Variants in ABLIM2 observed in about 807,000 individuals in gnomAD.
ABLIM2 encodes actin binding LIM protein family member 2, also known as actin-binding LIM protein 2.
Under a neutral mutation model 97.7 loss-of-function variants are expected in ABLIM2, and 53 were observed. That is an observed-to-expected ratio of 0.54 (90% CI 0.44 to 0.68). The LOEUF (loss-of-function observed/expected upper bound fraction) is 0.68. Among genes scored for constraint, ABLIM2 ranks in the 30% least tolerant of loss-of-function variants. The pLI, the probability that ABLIM2 is intolerant of heterozygous loss-of-function variation, is 0.00. For synonymous variants in ABLIM2, 361 were observed against 345.8 expected (o/e 1.04, Z -0.49); for missense variants, 835 against 867.2 (o/e 0.96, Z 0.47).
intron 20 of ABLIM2, among the ~76,000 whole-genome samples, chr4:7,968,520 C>A (rs529870194): frequency 6.6e-6 from 1 of 152,354 alleles, no homozygotes; most frequent in South Asian, 2.1e-4. Context: ...GAAGTTCCGA[C>A]ACATGCCACA....
At chr4:8,041,901 T>A (rs1286272495) in intron 9 of ABLIM2, among the ~76,000 whole-genome samples, 7 of 127,878 alleles carry the variant, frequency 5.5e-5, no homozygotes, top group African/African-American at 2.5e-4. Flanking sequence ...GAGACTCCAC[T>A]TCAAAAAAAG....
chr4:7,969,964 T>G (rs1192338005), intron 20 of ABLIM2, among the ~76,000 whole-genome samples: 1 of 152,178 alleles, frequency 6.6e-6, no homozygotes, highest in African/African-American at 2.4e-5. Context: ...CCGCGTCTCT[T>G]AAGACATTTG....
chr4:8,001,578 G>A lies in ABLIM2; in HGVS notation c.1618+6481C>T, dbSNP rs1026662217. On this transcript the variant is annotated intron_variant, in intron 16 of 20. Transcript: ENST00000447017. This position sits in a 1 kb window ranked among gnomAD's most constrained non-coding sequence, Gnocchi z 4.2. Reference sequence around the variant, plus strand: ...GGAGCTCCCTCTGCTCTCTCTGGGGGCTCAGAGAGCACCCTGCCTGCCCAG... The same window carrying A: ...GGAGCTCCCTCTGCTCTCTCTGGGGACTCAGAGAGCACCCTGCCTGCCCAG... 2.0e-5 allele frequency among the ~76,000 whole-genome samples: 3 copies of A among 152,158 alleles called. No homozygotes were observed. The highest frequency in any genetic ancestry group is 4.8e-5 in the African/African-American group (2 of 41,508).
intron 1 of ABLIM2, among the ~76,000 whole-genome samples, chr4:8,154,526 C>T (rs191709973): frequency 0.01 from 1,556 of 152,046 alleles, 8 homozygotes; most frequent in Middle Eastern, 0.014. Context: ...GTGATCCACC[C>T]GCCTCGGCCT....
chr4:8,036,234 G>C lies in ABLIM2; in HGVS notation c.962C>G (p.Ala321Gly). ...GTCGGGGCGGTCGATGTCATAGATG[G>C]CCTTACTTTTAGGAAGGGCTGCCAA... Reference protein sequence around the residue: ...RDLAALPKSKAIYDIDRPDMI... With the variant: ...RDLAALPKSKGIYDIDRPDMI... Residue 321 changes from alanine to glycine, a missense_variant, in exon 10 of 21, where the codon GCC becomes GGC. Transcript: ENST00000447017. 6.2e-7 allele frequency: 1 copy of C among 1,613,884 alleles called. No individual in the cohort carries two copies. Among genetic ancestry groups the C allele is most frequent in the Middle Eastern group, 1.7e-4 (1 of 6,060 alleles).
At chr4:8,115,433 G>A (rs1034090612) in intron 1 of ABLIM2, among the ~76,000 whole-genome samples, 2 of 152,120 alleles carry the variant, frequency 1.3e-5, no homozygotes, top group African/African-American at 4.8e-5. Context: ...ATGCCTGCTG[G>A]GCTCACCTGG....
intron 14 of ABLIM2, among the ~76,000 whole-genome samples, chr4:8,009,478 C>T (rs924088095): frequency 7.3e-5 from 11 of 151,692 alleles, no homozygotes; most frequent in Non-Finnish European, 1.5e-4. Context: ...CTCACTGCAA[C>T]TTCCGCCTCC....
chr4:8,113,811 C>G lies in ABLIM2; in HGVS notation c.11-7174G>C, dbSNP rs1841483723. Among the ~76,000 whole-genome samples the G allele has an allele frequency of 6.6e-6, 1 of 152,234 alleles. No homozygotes were observed. Among genetic ancestry groups the G allele is most frequent in the Non-Finnish European group, 1.5e-5 (1 of 68,042 alleles). On this transcript the variant is annotated intron_variant, in intron 1 of 20. Transcript: ENST00000447017. The surrounding 1 kb of genome is among the most constrained non-coding windows in gnomAD (Gnocchi z 4.5). The stretch of plus-strand genomic sequence containing the variant: ...ACACGCACACATGAACTCCAGAGGT[C>G]CCGGCTCACCCAGAGCGGGTCACAG...
intron 1 of ABLIM2, among the ~76,000 whole-genome samples, chr4:8,117,635 C>A (rs1411905105): frequency 2.0e-5 from 3 of 152,202 alleles, no homozygotes. Context: ...CTGGGATCCA[C>A]CCACTTTTCC....
In ABLIM2 at chr4:8,069,843, CGT is replaced by C. The variant is rs561597447; in HGVS notation, c.675+7783_675+7784del. Among the ~76,000 whole-genome samples, 1 of 151,066 alleles carries C rather than the reference CGT, an allele frequency of 6.6e-6. No homozygotes were observed. Among genetic ancestry groups the C allele is most frequent in the South Asian group, 2.1e-4 (1 of 4,742 alleles). ...TCTGTGTGTACGTGTCTGTGGGTGCCGTGTGTGTTTTCTGTGTGTCTGCGTTG... is the reference window on the plus strand; with the variant it reads ...TCTGTGTGTACGTGTCTGTGGGTGCCGTGTGTTTTCTGTGTGTCTGCGTTG... On this transcript the variant is annotated intron_variant, in intron 6 of 20. Transcript: ENST00000447017. This position sits in a 1 kb window ranked among gnomAD's most constrained non-coding sequence, Gnocchi z 4.2.
At position 8,127,427 on chromosome 4, in the gene ABLIM2, C is replaced by G. The variant is rs972146808; in HGVS notation, c.11-20790G>C. On this transcript the variant is annotated intron_variant, in intron 1 of 20. Coordinates refer to ENST00000447017, the MANE Select transcript of ABLIM2 (RefSeq NM_001130083.2). This position sits in a 1 kb window ranked among gnomAD's most constrained non-coding sequence, Gnocchi z 7.3. ...CACAACTTGACTGGACCCGTCCTTTCCCACCAGACCCCTGAAGCTGATTCA... is the reference window on the plus strand; with the variant it reads ...CACAACTTGACTGGACCCGTCCTTTGCCACCAGACCCCTGAAGCTGATTCA... 8.3e-7 allele frequency: 1 copy of G among 1,207,916 alleles called. No homozygotes were observed. The highest frequency in any genetic ancestry group is 1.1e-6 in the Non-Finnish European group (1 of 926,718). The allele number at this position is 1,207,916 out of a possible 1,614,324, so 74.8% of individuals were successfully genotyped here.
chr4:7,995,139 C>T (rs192274228), intron 16 of ABLIM2, among the ~76,000 whole-genome samples: 2 of 56,320 alleles, frequency 3.6e-5, no homozygotes, highest in African/African-American at 7.9e-5. Context: ...TCATCTCACA[C>T]CAGTTAGAAT....
Position 7,994,082 on chromosome 4 carries a change from T to TAAAAGACCTGTCCTGGGTCCCTAAAC in ABLIM2, c.1619-1156_1619-1155insGTTTAGGGACCCAGGACAGGTCTTTT, listed in dbSNP as rs1560478001. ...CCCTCCACACCCAGGGAAGCATTCT[T>TAAAAGACCTGTCCTGGGTCCCTAAAC]TTTTTTTTTTTTTTTTTTTTTTTTT... On this transcript the variant is annotated intron_variant, in intron 16 of 20. Coordinates refer to ENST00000447017, the MANE Select transcript of ABLIM2 (RefSeq NM_001130083.2). 2.6e-3 allele frequency: 165 copies of TAAAAGACCTGTCCTGGGTCCCTAAAC among 62,476 alleles called. 45 individuals carry two copies. Among genetic ancestry groups the TAAAAGACCTGTCCTGGGTCCCTAAAC allele is most frequent in the South Asian group, 8.3e-3 (42 of 5,062 alleles). 3.9% of individuals were successfully genotyped at this position (62,476 alleles called of 1,614,324 possible).
chr4:8,091,906 T>C (rs2385921), intron 3 of ABLIM2, among the ~76,000 whole-genome samples: 19,161 of 112,630 alleles, frequency 0.17, 2,601 homozygotes, highest in African/African-American at 0.41. Context: ...ATATATATAA[T>C]ATATTGTTAT....
At chr4:7,975,972 G>A (rs936548399) in intron 20 of ABLIM2, among the ~76,000 whole-genome samples, 6 of 152,134 alleles carry the variant, frequency 3.9e-5, no homozygotes. Flanking sequence ...GCTCAATCGT[G>A]TTCAGGCAAA....
At chr4:8,020,846 CTTT>C (rs34799650) in intron 12 of ABLIM2, 19,676 of 95,136 alleles carry the variant, frequency 0.21, 1,302 homozygotes, top group East Asian at 0.29. Flanking sequence ...TTACCACATT[CTTT>C]TTTTTTTTTT....
intron 17 of ABLIM2, among the ~76,000 whole-genome samples, chr4:7,988,321 C>A (rs113190189): frequency 6.6e-6 from 1 of 152,228 alleles, no homozygotes; most frequent in Admixed American, 6.5e-5. Flanking sequence ...CCACGCCCGG[C>A]CTGTTTAGCA....
rs1256438748 is a variant in ABLIM2, at chr4:8,004,789, C to G, written c.1618+3270G>C. Among the ~76,000 whole-genome samples, 1 of 152,210 alleles carries G rather than the reference C, an allele frequency of 6.6e-6. No homozygotes were observed. Among genetic ancestry groups the G allele is most frequent in the Non-Finnish European group, 1.5e-5 (1 of 68,046 alleles). ...AGGTGCACTGATAATATAAACTACT[C>G]TGCACATAGTCCAGATAATGCCCTA... On this transcript the variant is annotated intron_variant, in intron 16 of 20. Coordinates refer to ENST00000447017, the MANE Select transcript of ABLIM2 (RefSeq NM_001130083.2). This position sits in a 1 kb window ranked among gnomAD's most constrained non-coding sequence, Gnocchi z 5.9.
intron 2 of ABLIM2, among the ~76,000 whole-genome samples, chr4:8,097,887 G>A (rs572690284): frequency 6.6e-6 from 1 of 152,170 alleles, no homozygotes; most frequent in African/African-American, 2.4e-5. Flanking sequence ...CAGGAGGAGA[G>A]AGCCTGTGGA....
Sources: gnomAD v4.1 joint callset for allele counts (sites outside exome capture counted in the v4.1 genomes callset) on GRCh38, gnomAD v4.1.1 for gene constraint, Gnocchi (gnomAD v3.1) non-coding constraint, MANE v1.5 for transcripts, NCBI Gene and HGNC (gene_info 2026-07-23, HGNC 2026-07-21) for gene names.